Variants in SGO1 observed in about 807,000 individuals in gnomAD.
The protein encoded by SGO1 is serologically defined breast cancer antigen NY-BR-85.
In SGO1, 39 loss-of-function variants were observed where a neutral mutation model predicts 50.5. The ratio of observed to expected loss-of-function variants is 0.77; its 90% confidence interval spans 0.60 to 1.01. SGO1 has a LOEUF of 1.01. SGO1 is among the 50% of genes least tolerant of loss of function. SGO1 has a pLI of 0.00. For synonymous variants in SGO1, 191 were observed against 205.1 expected (o/e 0.93, Z 0.59); for missense variants, 638 against 606.0 (o/e 1.05, Z -0.55).
chr3:20,170,320 C>T lies in SGO1; in HGVS notation c.*384G>A, dbSNP rs1216211197. ...GTCTGAGGCAGGAGAATCGCTTGAA[C>T]CTGGGAGGCGGAGGTTGCGGTAAGC... On this transcript the variant is annotated 3_prime_UTR_variant, in exon 8 of 8. Coordinates refer to ENST00000412997, the MANE Select transcript of SGO1 (RefSeq NM_001199251.3). The T allele has an allele frequency of 1.8e-5, 11 of 613,000 alleles. No homozygotes were observed. Among genetic ancestry groups the T allele is most frequent in the Non-Finnish European group, 2.2e-5 (11 of 490,556 alleles). 38.0% of individuals were successfully genotyped at this position (613,000 alleles called of 1,614,324 possible).
downstream of SGO1, among the ~76,000 whole-genome samples, chr3:20,166,514 G>A (rs981018853): frequency 6.6e-6 from 1 of 152,098 alleles, no homozygotes; most frequent in Admixed American, 6.6e-5. Context: ...TTTCTGTGAG[G>A]TACCTGGAAC....
intron 5 of SGO1, 75 bp from the exon 6 acceptor site, chr3:20,175,130 A>C: frequency 7.5e-7 from 1 of 1,327,410 alleles, no homozygotes; most frequent in East Asian, 2.7e-5. Flanking sequence ...TTTAGAATTC[A>C]AACTAAAAAA....
downstream of SGO1, chr3:20,169,181 A>C: frequency 1.0e-6 from 1 of 985,406 alleles, no homozygotes; most frequent in Non-Finnish European, 1.2e-6. Flanking sequence ...AACAGCCAAG[A>C]AAATCTGAGA....
intron 7 of SGO1, 88 bp downstream of exon 7, chr3:20,170,955 A>G: frequency 6.8e-7 from 1 of 1,472,232 alleles, no homozygotes; most frequent in Non-Finnish European, 9.1e-7. Flanking sequence ...TATATTTCAG[A>G]AAAAACTCAT....
chr3:20,168,841 A>G (rs372182946), downstream of SGO1: 399 of 530,756 alleles, frequency 7.5e-4, 1 homozygote, highest in African/African-American at 7.7e-3. Context: ...CGTATTAGCC[A>G]GGATGGTCTC....
At chr3:20,162,320 T>C (rs1056050222) in intron 8 of SGO1, among the ~76,000 whole-genome samples, 4 of 152,180 alleles carry the variant, frequency 2.6e-5, no homozygotes, top group African/African-American at 9.7e-5. Context: ...CCAGAATGGA[T>C]AGACCTTGTT....
intron 4 of SGO1, chr3:20,177,391 T>C (rs149603646): frequency 1.3e-5 from 2 of 152,370 alleles, no homozygotes; most frequent in East Asian, 1.9e-4. Flanking sequence ...TCTATGGTGA[T>C]AGAAATCATC....
chr3:20,169,782 A>C lies in SGO1; in HGVS notation c.*922T>G, dbSNP rs540539949. ...GTCACTTATCTTGTCCCTGAGCCTA[A>C]AAAAGAATCAATTTCTCTAGTCATT... On this transcript the variant is annotated 3_prime_UTR_variant, in exon 8 of 8. Coordinates refer to ENST00000412997, the MANE Select transcript of SGO1 (RefSeq NM_001199251.3). 11 of 960,896 alleles carry C rather than the reference A, an allele frequency of 1.1e-5. No homozygotes were observed. In the African/African-American group the frequency reaches 1.9e-4, roughly 17 times the overall value. 59.5% of individuals were successfully genotyped at this position (960,896 alleles called of 1,614,324 possible).
chr3:20,176,716 C>T, intron 4 of SGO1, 57 bp from the exon 5 acceptor site: 1 of 1,131,996 alleles, frequency 8.8e-7, no homozygotes, highest in Non-Finnish European at 1.3e-6. Context: ...AAAACAAATT[C>T]AGTATTTTCC....
intron 6 of SGO1, among the ~76,000 whole-genome samples, chr3:20,171,981 A>G (rs1246365612): frequency 6.6e-6 from 1 of 152,246 alleles, no homozygotes; most frequent in Non-Finnish European, 1.5e-5. Context: ...GTATCCCCAA[A>G]AAAGTAAAAA....
In SGO1 at chr3:20,171,135, A is replaced by T. The variant is rs990490614; in HGVS notation, c.1380T>A (p.Leu460=). 6.2e-7 allele frequency: 1 copy of T among 1,613,234 alleles called. No individual in the cohort carries two copies. The highest frequency in any genetic ancestry group is 8.5e-7 in the Non-Finnish European group (1 of 1,179,764). Residue 460 remains leucine (L), a synonymous_variant, in exon 7 of 8, where the codon CTT becomes CTA. Coordinates refer to ENST00000412997, the MANE Select transcript of SGO1 (RefSeq NM_001199251.3). ...GGCTTGCTTTATTCTTTTTTGGAGA[A>T]AGAGAAAGTCTTCTGATTTTCACAA... The part of the protein sequence containing the change: ...YPVVKIRRLS[L]SPKKNKASPA...
intron 3 of SGO1, among the ~76,000 whole-genome samples, chr3:20,179,484 G>T: frequency 6.6e-6 from 1 of 151,464 alleles, no homozygotes. Context: ...AAGTGTAGTG[G>T]TGCTATCATA....
chr3:20,186,154 C>G lies in SGO1; in HGVS notation c.-214G>C, dbSNP rs140520229. The G allele has an allele frequency of 0.015, 2,233 of 152,674 alleles. 21 individuals carry two copies. The highest frequency in any genetic ancestry group is 0.037 in the Middle Eastern group (11 of 294). 9.5% of individuals were successfully genotyped at this position (152,674 alleles called of 1,614,324 possible). ...CACGGCTAGCCCCGCGCACTGGGCCCTCCAGGACCGTACCACCGTCCGCCG... is the reference window on the plus strand; with the variant it reads ...CACGGCTAGCCCCGCGCACTGGGCCGTCCAGGACCGTACCACCGTCCGCCG... On this transcript the variant is annotated 5_prime_UTR_variant, in exon 1 of 8. Coordinates refer to ENST00000412997, the MANE Select transcript of SGO1 (RefSeq NM_001199251.3).
At chr3:20,162,838 C>T (rs1700110311) in intron 8 of SGO1, among the ~76,000 whole-genome samples, 2 of 150,788 alleles carry the variant, frequency 1.3e-5, no homozygotes, top group South Asian at 4.2e-4. Flanking sequence ...AAAAAATACA[C>T]TGGATAGGAT....
chr3:20,182,621 C>G (rs779745710), intron 3 of SGO1, among the ~76,000 whole-genome samples: 1 of 152,144 alleles, frequency 6.6e-6, no homozygotes, highest in Non-Finnish European at 1.5e-5. Context: ...TAGCCAGACA[C>G]AAAGAATATC....
chr3:20,168,440 T>C (rs67724641), downstream of SGO1, among the ~76,000 whole-genome samples: 24,809 of 151,440 alleles, frequency 0.16, 2,524 homozygotes, highest in African/African-American at 0.29. Flanking sequence ...TTTTTTTTTT[T>C]TTTCAACTAT....
At chr3:20,172,416 G>A (rs898233394) in intron 6 of SGO1, among the ~76,000 whole-genome samples, 6 of 150,610 alleles carry the variant, frequency 4.0e-5, no homozygotes, top group Admixed American at 6.7e-5. Flanking sequence ...CAGGAGAATC[G>A]CTTGAACCCA....
intron 1 of SGO1, among the ~76,000 whole-genome samples, chr3:20,184,717 G>A (rs907336961): frequency 6.6e-6 from 1 of 152,084 alleles, no homozygotes; most frequent in African/African-American, 2.4e-5. Context: ...TAAAAGTTAG[G>A]GCTGTTAACT....
chr3:20,182,683 T>C (rs894932504), intron 3 of SGO1, among the ~76,000 whole-genome samples: 1 of 152,160 alleles, frequency 6.6e-6, no homozygotes, highest in East Asian at 1.9e-4. Context: ...AGGACCATAT[T>C]TGAACACCTT....
Sources: gnomAD v4.1 joint callset for allele counts (sites outside exome capture counted in the v4.1 genomes callset) on GRCh38, gnomAD v4.1.1 for gene constraint, MANE v1.5 for transcripts, NCBI Gene and HGNC (gene_info 2026-07-23, HGNC 2026-07-21) for gene names.